Variants in PVT1 observed in about 807,000 individuals in gnomAD.
The protein encoded by PVT1 is CXCR4/PVT1 fusion.
chr8:127,961,809 G>T (rs1816646132), intron 3 of PVT1, among the ~76,000 whole-genome samples: 1 of 152,192 alleles, frequency 6.6e-6, no homozygotes, highest in African/African-American at 2.4e-5. Context: ...AGGGAGTGGG[G>T]ATGGCCTTCA....
At chr8:127,942,852 A>G (rs1451802001) in intron 3 of PVT1, among the ~76,000 whole-genome samples, 1 of 152,190 alleles carries the variant, frequency 6.6e-6, no homozygotes, top group Non-Finnish European at 1.5e-5. Context: ...GTGGCTTTGG[A>G]AACCCTGGAA....
At chr8:128,049,637 A>G (rs1813663561) in intron 4 of PVT1, among the ~76,000 whole-genome samples, 1 of 152,056 alleles carries the variant, frequency 6.6e-6, no homozygotes, top group South Asian at 2.1e-4. Flanking sequence ...CAGGGCTGCC[A>G]TGCTCTCTGG....
chr8:127,907,351 G>A (rs541560826), intron 3 of PVT1, among the ~76,000 whole-genome samples: 1 of 152,192 alleles, frequency 6.6e-6, no homozygotes, highest in Non-Finnish European at 1.5e-5. Context: ...AAATGACAGG[G>A]CTCTGGTCCC....
At chr8:127,846,227 G>A (rs935921332) in intron 2 of PVT1, among the ~76,000 whole-genome samples, 5 of 151,040 alleles carry the variant, frequency 3.3e-5, no homozygotes, top group African/African-American at 1.2e-4. Flanking sequence ...GAAAGAACAG[G>A]TGGGAGAGTT....
rs1813364696 is a variant in PVT1, at chr8:128,029,626, AC to A, written n.912+40337del. Among the ~76,000 whole-genome samples the A allele has an allele frequency of 3.9e-5, 6 of 152,178 alleles. No homozygotes were observed. The South Asian group carries it at 1.2e-3, about 32-fold the overall frequency. ...GCCAGCCTGACCAACATGGTGAAACACCGTCTTTACTAAAAATACAAAAATT... is the reference window on the plus strand; with the variant it reads ...GCCAGCCTGACCAACATGGTGAAACACGTCTTTACTAAAAATACAAAAATT... On this transcript the variant is annotated intron_variant and non_coding_transcript_variant, in intron 4 of 10. Coordinates refer to ENST00000651587, the Ensembl canonical transcript of PVT1.
chr8:127,943,494 T>C (rs1456682018), intron 3 of PVT1, among the ~76,000 whole-genome samples: 3 of 152,200 alleles, frequency 2.0e-5, no homozygotes, highest in African/African-American at 4.8e-5. Flanking sequence ...CTTGGCGCTG[T>C]TCATATTTTG....
At chr8:127,980,422 G>A (rs1464320924) in intron 3 of PVT1, among the ~76,000 whole-genome samples, 1 of 152,196 alleles carries the variant, frequency 6.6e-6, no homozygotes, top group Non-Finnish European at 1.5e-5. Flanking sequence ...GAGGCAACCT[G>A]CATACTGGGG....
chr8:127,976,975 A>G (rs901713860), intron 3 of PVT1, among the ~76,000 whole-genome samples: 1 of 152,168 alleles, frequency 6.6e-6, no homozygotes, highest in Non-Finnish European at 1.5e-5. Context: ...TTAGTGTTTT[A>G]GGTGCTCCCA....
At chr8:128,098,053 C>G (rs2648906) in intron 6 of PVT1, among the ~76,000 whole-genome samples, 97,062 of 151,946 alleles carry the variant, frequency 0.64, 32,178 homozygotes, top group Non-Finnish European at 0.73. Context: ...GCCTGAAGTT[C>G]TTCCCCTCTC....
intron 3 of PVT1, among the ~76,000 whole-genome samples, chr8:127,980,270 C>T (rs534529232): frequency 2.0e-5 from 3 of 152,244 alleles, no homozygotes; most frequent in East Asian, 1.9e-4. Context: ...CTAAGCTTTA[C>T]GGAAGCACTG....
intron 2 of PVT1, among the ~76,000 whole-genome samples, chr8:127,830,438 T>C (rs570549347): frequency 1.4e-4 from 20 of 146,982 alleles, no homozygotes; most frequent in Non-Finnish European, 2.4e-4. Flanking sequence ...CATATTGCTT[T>C]ATTTCAGGAG....
chr8:127,982,582 G>A (rs1816895685), intron 3 of PVT1, among the ~76,000 whole-genome samples: 1 of 151,852 alleles, frequency 6.6e-6, no homozygotes. Context: ...GGCAGGGGAG[G>A]GAGGATGGCT....
chr8:128,041,212 TGTTTGTGTGTGTGC>T (rs1813530445), intron 4 of PVT1, among the ~76,000 whole-genome samples: 1 of 27,104 alleles, frequency 3.7e-5, no homozygotes, highest in African/African-American at 7.7e-5. Flanking sequence ...TTTGCATGTG[TGTTTGTGTGTGTGC>T]ATGTGTGTGT....
chr8:128,021,784 A>G (rs962797054), intron 4 of PVT1, among the ~76,000 whole-genome samples: 9 of 152,224 alleles, frequency 5.9e-5, no homozygotes, highest in African/African-American at 1.2e-4. Context: ...CAATATGCCT[A>G]ATATGGCAGG....
At chr8:127,812,171 AGAGG>A (rs1199565266) in intron 2 of PVT1, among the ~76,000 whole-genome samples, 23 of 128,144 alleles carry the variant, frequency 1.8e-4, no homozygotes, top group Non-Finnish European at 2.9e-4. Flanking sequence ...GGGGAGGGGA[AGAGG>A]GAGAGAGGGA....
At chr8:128,008,677 T>G (rs2130031443) in intron 4 of PVT1, among the ~76,000 whole-genome samples, 1 of 152,340 alleles carries the variant, frequency 6.6e-6, no homozygotes, top group East Asian at 1.9e-4. Flanking sequence ...CAGTAATGAT[T>G]ATAATGGTGG....
chr8:127,848,731 A>C (rs969553972), intron 2 of PVT1, among the ~76,000 whole-genome samples: 2 of 152,188 alleles, frequency 1.3e-5, no homozygotes, highest in Non-Finnish European at 2.9e-5. Context: ...AATTTGACCA[A>C]TACTCCTCAA....
chr8:127,904,676 T>C (rs1282552192), intron 3 of PVT1, among the ~76,000 whole-genome samples: 1 of 152,192 alleles, frequency 6.6e-6, no homozygotes, highest in Admixed American at 6.5e-5. Context: ...CTGGCCAGCT[T>C]TGGCAACTGT....
intron 2 of PVT1, among the ~76,000 whole-genome samples, chr8:127,868,319 T>C (rs1421700321): frequency 6.6e-6 from 1 of 152,106 alleles, no homozygotes; most frequent in Non-Finnish European, 1.5e-5. Flanking sequence ...TGAAACAGTG[T>C]TCATTTCCAG....
Sources: gnomAD v4.1 joint callset for allele counts (sites outside exome capture counted in the v4.1 genomes callset) on GRCh38, gnomAD v4.1.1 for gene constraint, MANE v1.5 for transcripts, NCBI Gene and HGNC (gene_info 2026-07-23, HGNC 2026-07-21) for gene names.